The following TRAK1 variants were observed in gnomAD, a reference collection of about 807,000 sequenced individuals.
TRAK1 encodes the protein trafficking kinesin-binding protein 1.
In TRAK1, 33 loss-of-function variants were observed where a neutral mutation model predicts 92.1. The ratio of observed to expected loss-of-function variants is 0.36; its 90% CI spans 0.27 to 0.48. The LOEUF (loss-of-function observed/expected upper bound fraction) is 0.48. TRAK1 is among the 20% of genes least tolerant of loss of function. The probability of loss-of-function intolerance (pLI) is 0.99; values close to 1 mark genes in which losing one functional copy is unlikely to be tolerated. For synonymous variants in TRAK1, 521 were observed against 517.3 expected (o/e 1.01, Z -0.10); for missense variants, 1,123 against 1,257.9 (o/e 0.89, Z 1.62).
chr3:42,215,358 G>T (rs1709555883), intron 14 of TRAK1, among the ~76,000 whole-genome samples: 2 of 152,186 alleles, frequency 1.3e-5, no homozygotes, highest in African/African-American at 4.8e-5. Flanking sequence ...ATTAGAAGCT[G>T]GGCATTAAAC....
intron 2 of TRAK1, among the ~76,000 whole-genome samples, chr3:42,168,191 T>G (rs1447824610): frequency 6.6e-6 from 1 of 152,230 alleles, no homozygotes; most frequent in Non-Finnish European, 1.5e-5. Flanking sequence ...TGGGGCAGAT[T>G]AGTACCTTTA....
Position 42,091,579 on chromosome 3 carries a change from T to G in TRAK1, c.91+19T>G. The G allele has an allele frequency of 1.9e-6, 3 of 1,606,386 alleles. No individual in the cohort carries two copies. The highest frequency in any genetic ancestry group is 2.5e-6 in the Non-Finnish European group (3 of 1,177,102). ...GCCTGTGGTAAGTTTGTTTGCCAGG[T>G]CTGTCTGCTGTCTGTTTTCTTTGTG... On this transcript the variant is annotated intron_variant, in intron 1 of 15. Coordinates refer to ENST00000327628, the MANE Select transcript of TRAK1 (RefSeq NM_001042646.3).
chr3:42,207,006 A>G (rs1227366196), intron 13 of TRAK1, among the ~76,000 whole-genome samples: 6 of 152,162 alleles, frequency 3.9e-5, no homozygotes, highest in Admixed American at 3.9e-4. Flanking sequence ...AATTGTAAAC[A>G]TCTCAGACCC....
intron 2 of TRAK1, among the ~76,000 whole-genome samples, chr3:42,135,582 C>CA (rs1345962288): frequency 5.9e-5 from 9 of 152,048 alleles, no homozygotes; most frequent in African/African-American, 2.2e-4. Flanking sequence ...AAAAACAAAA[C>CA]CAAAAAAACA....
chr3:42,218,888 T>C (rs1201420113), intron 14 of TRAK1: 5 of 985,258 alleles, frequency 5.1e-6, no homozygotes, highest in Non-Finnish European at 6.0e-6. Context: ...AGCCCTGATC[T>C]CTGGAACTCT....
chr3:42,189,207 G>A, intron 6 of TRAK1, 83 bp downstream of exon 6: 1 of 1,027,528 alleles, frequency 9.7e-7, no homozygotes, highest in Non-Finnish European at 1.5e-6. Flanking sequence ...CCATGGTTAA[G>A]TGCCCTCCTC....
chr3:42,027,767 C>A (rs889011688), intron 1 of TRAK1, among the ~76,000 whole-genome samples: 1 of 152,142 alleles, frequency 6.6e-6, no homozygotes, highest in East Asian at 1.9e-4. Flanking sequence ...GAAAGAAAAC[C>A]AGGAACAACC....
intron 1 of TRAK1, among the ~76,000 whole-genome samples, chr3:42,092,866 G>A (rs1277214280): frequency 4.6e-5 from 7 of 152,046 alleles, no homozygotes; most frequent in African/African-American, 9.7e-5. Flanking sequence ...GATTACAGGC[G>A]TGAGCCACCA....
intron 11 of TRAK1, among the ~76,000 whole-genome samples, chr3:42,199,478 G>A (rs1014280597): frequency 2.6e-5 from 4 of 152,186 alleles, no homozygotes; most frequent in African/African-American, 7.2e-5. Context: ...TTTAGAGATG[G>A]GGTGTCTCAC....
intron 1 of TRAK1, among the ~76,000 whole-genome samples, chr3:42,044,657 C>T (rs1173669450): frequency 6.6e-6 from 1 of 152,140 alleles, no homozygotes; most frequent in Non-Finnish European, 1.5e-5. Context: ...TCTTGAGCTC[C>T]CTGGTAGAGC....
chr3:42,194,761 G>A (rs763934196), intron 9 of TRAK1, 43 bp from the exon 10 acceptor site: 1 of 1,606,362 alleles, frequency 6.2e-7, no homozygotes, highest in Non-Finnish European at 8.5e-7. Context: ...GTACACCTGG[G>A]TGCTCAGGAG....
intron 3 of TRAK1, among the ~76,000 whole-genome samples, chr3:42,178,410 G>A (rs1289101804): frequency 1.3e-5 from 2 of 152,034 alleles, no homozygotes; most frequent in East Asian, 3.9e-4. Flanking sequence ...CATGGCTCCT[G>A]CTCTCCCGCC....
chr3:42,201,535 A>G (rs1707563294), intron 12 of TRAK1, among the ~76,000 whole-genome samples: 1 of 152,088 alleles, frequency 6.6e-6, no homozygotes, highest in African/African-American at 2.4e-5. Flanking sequence ...TATCCTTGAT[A>G]TGATATTTTA....
rs1324789083 is a variant in TRAK1, at chr3:42,196,977, TTCTC to T, written c.1113+2038_1113+2041del. Among the ~76,000 whole-genome samples the T allele has an allele frequency of 6.4e-5, 4 of 62,456 alleles. No homozygotes were observed. The East Asian group carries it at 1.9e-3, about 29-fold the overall frequency. The allele number at this position is 62,456 out of a possible 152,430, so 41.0% of individuals were successfully genotyped here. On this transcript the variant is annotated intron_variant, in intron 10 of 15. Transcript: ENST00000327628. ...TTCTCCTCTCTCTCTCTCTCTCTCT[TTCTC>T]TTTCTCTCTCTCTCTCTCTCTCACA...
At chr3:42,032,496 A>C (rs1175216496) in intron 1 of TRAK1, among the ~76,000 whole-genome samples, 1 of 150,068 alleles carries the variant, frequency 6.7e-6, no homozygotes, top group South Asian at 2.1e-4. Flanking sequence ...AAAAAAAAAA[A>C]CCATCTTTGC....
At chr3:42,191,149 G>A (rs1668906686) in intron 6 of TRAK1, among the ~76,000 whole-genome samples, 1 of 152,154 alleles carries the variant, frequency 6.6e-6, no homozygotes, top group African/African-American at 2.4e-5. Flanking sequence ...CCATTCCTGT[G>A]TGGTTATCCT....
intron 3 of TRAK1, among the ~76,000 whole-genome samples, chr3:42,182,758 A>G (rs370679294): frequency 6.6e-6 from 1 of 152,214 alleles, no homozygotes; most frequent in Non-Finnish European, 1.5e-5. Flanking sequence ...TGCTGCGCTC[A>G]TACTGCAGTG....
At chr3:42,043,621 G>T (rs545581814) in intron 1 of TRAK1, among the ~76,000 whole-genome samples, 19 of 152,084 alleles carry the variant, frequency 1.2e-4, no homozygotes, top group South Asian at 6.2e-4. Context: ...GAGCTGGGGG[G>T]GGGGCGGGGG....
Position 42,224,449 on chromosome 3 carries a change from C to T in TRAK1, c.*712C>T, listed in dbSNP as rs575744332. 55 of 205,632 alleles carry T rather than the reference C, an allele frequency of 2.7e-4. No individual in the cohort carries two copies. The South Asian group carries it at 3.7e-3, about 14-fold the overall frequency. The allele number at this position is 205,632 out of a possible 1,614,324, so 12.7% of individuals were successfully genotyped here. A position where few individuals can be genotyped will look rare whatever the true frequency, so the allele number is the denominator to read the frequency against. ...AGAGAATGTATTTACACTCATGCTG[C>T]GTTGTTCAGCAGCCCCTCTGTGTTC... On this transcript the variant is annotated 3_prime_UTR_variant, in exon 16 of 16. Coordinates refer to ENST00000327628, the MANE Select transcript of TRAK1 (RefSeq NM_001042646.3).
Sources: gnomAD v4.1 joint callset for allele counts (sites outside exome capture counted in the v4.1 genomes callset) on GRCh38, gnomAD v4.1.1 for gene constraint, MANE v1.5 for transcripts, NCBI Gene and HGNC (gene_info 2026-07-23, HGNC 2026-07-21) for gene names.